The following CDC42BPA variants were observed in gnomAD, a reference collection of about 807,000 sequenced individuals.
The protein encoded by CDC42BPA is CDC42 binding protein kinase alpha.
CDC42BPA carries 80 observed loss-of-function variants against 223.5 expected under a neutral mutation model. The observed-to-expected ratio is 0.36, with a 90% CI of 0.30 to 0.43. The LOEUF is 0.43. Ranked by LOEUF, CDC42BPA falls within the 20% of genes least tolerant of loss-of-function variation. CDC42BPA has a pLI of 1.00. For synonymous variants in CDC42BPA, 694 were observed against 718.6 expected (o/e 0.97, Z 0.55); for missense variants, 1,743 against 2,099.9 (o/e 0.83, Z 3.32).
chr1:227,059,318 T>G, intron 21 of CDC42BPA: 2 of 1,444,960 alleles, frequency 1.4e-6, no homozygotes, highest in Non-Finnish European at 1.9e-6. Context: ...GGCAAAAGGA[T>G]GAGAGAGGGG....
At chr1:227,044,523 T>C (rs1434075950) in intron 23 of CDC42BPA, among the ~76,000 whole-genome samples, 1 of 152,228 alleles carries the variant, frequency 6.6e-6, no homozygotes, top group South Asian at 2.1e-4. Flanking sequence ...TTCCTCCTAC[T>C]TCCTACAGGC....
At chr1:227,161,916 A>G (rs1374790139) in intron 5 of CDC42BPA, among the ~76,000 whole-genome samples, 4 of 152,344 alleles carry the variant, frequency 2.6e-5, no homozygotes, top group African/African-American at 9.6e-5. Flanking sequence ...TAGCTTTATA[A>G]TCCTCAACAT....
chr1:227,166,137 T>C (rs1015915427), intron 5 of CDC42BPA, among the ~76,000 whole-genome samples: 10 of 152,332 alleles, frequency 6.6e-5, no homozygotes, highest in African/African-American at 9.6e-5. Flanking sequence ...AGTACAATTA[T>C]ACATTTAATA....
chr1:227,205,537 G>C (rs1156546429), intron 3 of CDC42BPA, among the ~76,000 whole-genome samples: 1 of 151,844 alleles, frequency 6.6e-6, no homozygotes, highest in African/African-American at 2.4e-5. Context: ...AGGGGTATTT[G>C]AGGGAGAAAA....
At chr1:227,296,241 G>A (rs1247053180) in intron 1 of CDC42BPA, among the ~76,000 whole-genome samples, 1 of 152,142 alleles carries the variant, frequency 6.6e-6, no homozygotes, top group African/African-American at 2.4e-5. Flanking sequence ...CCACAACGAT[G>A]CTGAGTCCAT....
chr1:227,108,990 T>C (rs566979461), intron 14 of CDC42BPA, among the ~76,000 whole-genome samples: 4 of 152,004 alleles, frequency 2.6e-5, no homozygotes, highest in Admixed American at 1.3e-4. Flanking sequence ...TCTCTAAATA[T>C]AGAAAAGATA....
At chr1:227,248,249 G>A (rs1276584523) in intron 2 of CDC42BPA, among the ~76,000 whole-genome samples, 1 of 152,128 alleles carries the variant, frequency 6.6e-6, no homozygotes, top group East Asian at 1.9e-4. Context: ...TTAAGTATTA[G>A]CTAGAGCAAT....
In CDC42BPA at chr1:227,069,807, A is replaced by G; in HGVS notation, c.2874T>C (p.Asn958=). 1 of 1,611,860 alleles carries G rather than the reference A, an allele frequency of 6.2e-7. No homozygotes were observed. Among genetic ancestry groups the G allele is most frequent in the South Asian group, 1.1e-5 (1 of 90,944 alleles). ...DSQHSFLAFL[N]TPTDALDQFE... ...ATTGATCCAGAGCATCGGTAGGCGT[A>G]TTCAAAAATGCCAAGAAAGAATGCT... The change falls in exon 21 of 37, where the codon AAT becomes AAC. Residue 958 remains asparagine, a synonymous_variant. Transcript: ENST00000366766.
At chr1:227,248,461 A>G (rs1681387386) in intron 2 of CDC42BPA, among the ~76,000 whole-genome samples, 1 of 152,168 alleles carries the variant, frequency 6.6e-6, no homozygotes, top group Non-Finnish European at 1.5e-5. Context: ...GCATTTCTCT[A>G]TGCCAACAGT....
chr1:227,009,176 G>A (rs1024181879), intron 34 of CDC42BPA, among the ~76,000 whole-genome samples: 6 of 152,032 alleles, frequency 3.9e-5, no homozygotes, highest in Non-Finnish European at 7.4e-5. Flanking sequence ...TTATTACTTA[G>A]GCTGAAGTAA....
At chr1:227,017,178 G>T in intron 32 of CDC42BPA, 128 bp from the exon 33 acceptor site, 1 of 719,408 alleles carries the variant, frequency 1.4e-6, no homozygotes. Flanking sequence ...TTTAAATGTT[G>T]TGTTGATAAC....
At chr1:227,133,096 GCC>G (rs71179194) in intron 10 of CDC42BPA, among the ~76,000 whole-genome samples, 1 of 141,420 alleles carries the variant, frequency 7.1e-6, no homozygotes, top group Non-Finnish European at 1.6e-5. Flanking sequence ...GGGGGGGTCA[GCC>G]CCCCGCCCGG....
chr1:227,301,362 A>ATTTT (rs368829941), intron 1 of CDC42BPA, among the ~76,000 whole-genome samples: 5 of 109,984 alleles, frequency 4.5e-5, no homozygotes, highest in Non-Finnish European at 5.9e-5. Flanking sequence ...GGATGTAGAC[A>ATTTT]TTTTTTTTTT....
intron 5 of CDC42BPA, among the ~76,000 whole-genome samples, chr1:227,168,497 G>GTTTTGTTTTTTTTTTTTTT (rs1553374263): frequency 1.2e-5 from 1 of 80,196 alleles, no homozygotes; most frequent in Admixed American, 1.5e-4. Context: ...CTTCCCTGGT[G>GTTTTGTTTTTTTTTTTTTT]TTTTTTTTTT....
At chr1:227,009,612 G>A (rs1037693807) in intron 34 of CDC42BPA, among the ~76,000 whole-genome samples, 1 of 151,812 alleles carries the variant, frequency 6.6e-6, no homozygotes, top group Admixed American at 6.6e-5. Context: ...ATGGGGTCTC[G>A]CTATGGTTGC....
chr1:227,315,746 G>A (rs544674461), intron 1 of CDC42BPA, among the ~76,000 whole-genome samples: 14 of 152,120 alleles, frequency 9.2e-5, no homozygotes, highest in Non-Finnish European at 1.9e-4. Context: ...CTTGAAAGAT[G>A]GTTTAGATTT....
intron 1 of CDC42BPA, among the ~76,000 whole-genome samples, chr1:227,293,541 A>G (rs1397567036): frequency 2.0e-5 from 3 of 148,790 alleles, no homozygotes; most frequent in South Asian, 2.1e-4. Context: ...AAAAAGATCT[A>G]TTGCTGGGTG....
chr1:227,115,364 A>G (rs1687607244), intron 12 of CDC42BPA, among the ~76,000 whole-genome samples: 1 of 152,120 alleles, frequency 6.6e-6, no homozygotes, highest in African/African-American at 2.4e-5. Flanking sequence ...CAATACACTA[A>G]GAAGAAATAT....
At chr1:227,272,799 A>G (rs868138612) in intron 1 of CDC42BPA, among the ~76,000 whole-genome samples, 3 of 137,252 alleles carry the variant, frequency 2.2e-5, no homozygotes, top group Non-Finnish European at 4.8e-5. Flanking sequence ...AATGAACAGA[A>G]TAATTATTTT....
Sources: gnomAD v4.1 joint callset for allele counts (sites outside exome capture counted in the v4.1 genomes callset) on GRCh38, gnomAD v4.1.1 for gene constraint, MANE v1.5 for transcripts, NCBI Gene and HGNC (gene_info 2026-07-23, HGNC 2026-07-21) for gene names.